CEMIP: variants seen among roughly 807,000 people sequenced by gnomAD.
The protein encoded by CEMIP is cell migration inducing hyaluronidase 1.
In CEMIP, 105 loss-of-function variants were observed where a neutral mutation model predicts 156.9. That is an observed-to-expected ratio of 0.67 (90% confidence interval 0.57 to 0.79). The LOEUF (loss-of-function observed/expected upper bound fraction) is 0.79. Among genes scored for constraint, CEMIP ranks in the 30% least tolerant of loss-of-function variants. The pLI, the probability that CEMIP is intolerant of heterozygous loss-of-function variation, is 0.00. For missense variants in CEMIP, 1,457 were observed against 1,769.4 expected, an observed-to-expected ratio of 0.82 and a Z score of 3.17; for synonymous variants, 676 against 668.4, an observed-to-expected ratio of 1.01 and a Z score of -0.17.
chr15:80,942,868 G>C, intron 27 of CEMIP, 77 bp from the exon 28 acceptor site: 1 of 1,571,238 alleles, frequency 6.4e-7, no homozygotes, highest in East Asian at 2.2e-5. Flanking sequence ...TTCAGGGTCT[G>C]CTTGGGAACC....
At chr15:80,836,137 G>C (rs1191349259) in intron 1 of CEMIP, among the ~76,000 whole-genome samples, 1 of 150,470 alleles carries the variant, frequency 6.6e-6, no homozygotes, top group African/African-American at 2.5e-5. Context: ...AAAGTGCTTG[G>C]AAAATTTCTC....
At chr15:80,875,814 A>G (rs1262627895) in intron 3 of CEMIP, among the ~76,000 whole-genome samples, 2 of 152,078 alleles carry the variant, frequency 1.3e-5, no homozygotes, top group Non-Finnish European at 2.9e-5. Flanking sequence ...ACAAATGAAA[A>G]GCCACTGACA....
chr15:80,824,658 C>T (rs1174762602), intron 1 of CEMIP, among the ~76,000 whole-genome samples: 1 of 152,208 alleles, frequency 6.6e-6, no homozygotes, highest in Non-Finnish European at 1.5e-5. Flanking sequence ...ATTCTGACAT[C>T]AGCAGCCTGG....
intron 1 of CEMIP, among the ~76,000 whole-genome samples, chr15:80,810,969 G>A (rs1239701885): frequency 6.6e-6 from 1 of 152,064 alleles, no homozygotes; most frequent in Non-Finnish European, 1.5e-5. Flanking sequence ...TCATTTGCCT[G>A]TCTATTTACC....
intron 1 of CEMIP, among the ~76,000 whole-genome samples, chr15:80,802,567 C>A (rs1425768859): frequency 6.6e-6 from 1 of 152,188 alleles, no homozygotes; most frequent in Non-Finnish European, 1.5e-5. Context: ...AAATAATGAC[C>A]ATGGGGCGTG....
At chr15:80,896,199 T>G in intron 12 of CEMIP, 139 bp downstream of exon 12, 2 of 852,698 alleles carry the variant, frequency 2.3e-6, no homozygotes, top group Non-Finnish European at 1.9e-6. Flanking sequence ...TCTTAAAACT[T>G]CATGACAGGT....
intron 1 of CEMIP, among the ~76,000 whole-genome samples, chr15:80,817,667 T>C (rs914635621): frequency 4.0e-5 from 6 of 151,094 alleles, no homozygotes; most frequent in African/African-American, 1.2e-4. Context: ...GAGAGGATTA[T>C]GGGAACATTT....
chr15:80,845,468 G>A (rs758660454), intron 1 of CEMIP, among the ~76,000 whole-genome samples: 29 of 152,194 alleles, frequency 1.9e-4, no homozygotes, highest in Admixed American at 1.3e-3. Flanking sequence ...CAAATATGGT[G>A]CTACATACAG....
At chr15:80,814,004 C>T (rs1005873375) in intron 1 of CEMIP, among the ~76,000 whole-genome samples, 1 of 150,132 alleles carries the variant, frequency 6.7e-6, no homozygotes, top group African/African-American at 2.5e-5. Context: ...CTGAGACACC[C>T]TCTCCCATCC....
At chr15:80,787,435 A>G (rs79573709) in intron 1 of CEMIP, among the ~76,000 whole-genome samples, 2,426 of 152,326 alleles carry the variant, frequency 0.016, 35 homozygotes, top group Non-Finnish European at 0.026. Flanking sequence ...TCTACTGGCC[A>G]TACCAAAACA....
Position 80,836,446 on chromosome 15 carries a change from T to G in CEMIP, c.-175-37092T>G, listed in dbSNP as rs960004655. ...CTGGTTTTCGTCCACTTGTACCAAATGCATTCATGAACATGGCAGACATTT... is the reference window on the plus strand; with the variant it reads ...CTGGTTTTCGTCCACTTGTACCAAAGGCATTCATGAACATGGCAGACATTT... On this transcript the variant is annotated intron_variant, in intron 1 of 29. Coordinates refer to ENST00000394685, the MANE Select transcript of CEMIP (RefSeq NM_001293298.2). 3.2e-4 allele frequency among the ~76,000 whole-genome samples: 49 copies of G among 152,368 alleles called. 1 individual carries two copies. Among genetic ancestry groups the G allele is most frequent in the African/African-American group, 1.1e-3 (47 of 41,586 alleles).
chr15:80,890,783 T>C (rs927992428), intron 10 of CEMIP, among the ~76,000 whole-genome samples: 1 of 152,172 alleles, frequency 6.6e-6, no homozygotes, highest in African/African-American at 2.4e-5. Context: ...TGGGCAGAAC[T>C]TCTACCCTCT....
chr15:80,858,551 TA>T (rs59305579), intron 1 of CEMIP, among the ~76,000 whole-genome samples: 1,722 of 130,440 alleles, frequency 0.013, 20 homozygotes, highest in African/African-American at 0.034. Flanking sequence ...TGGTCTCTAC[TA>T]AAAAAAAAAA....
chr15:80,900,197 G>A (rs914065030), intron 12 of CEMIP, among the ~76,000 whole-genome samples: 4 of 152,216 alleles, frequency 2.6e-5, no homozygotes, highest in Non-Finnish European at 4.4e-5. Flanking sequence ...AACCTTGTGT[G>A]CGTCAGAGCA....
intron 1 of CEMIP, among the ~76,000 whole-genome samples, chr15:80,804,620 G>A (rs1359662244): frequency 6.6e-6 from 1 of 152,210 alleles, no homozygotes; most frequent in African/African-American, 2.4e-5. Flanking sequence ...TGTCCCAGGA[G>A]AGGTTTCCAT....
intron 3 of CEMIP, among the ~76,000 whole-genome samples, chr15:80,876,922 C>T (rs368548249): frequency 2.6e-5 from 4 of 152,124 alleles, no homozygotes; most frequent in Non-Finnish European, 2.9e-5. Context: ...AAGACATACC[C>T]GCGGCTGGAT....
At chr15:80,888,864 C>T in intron 9 of CEMIP, 68 bp downstream of exon 9, 2 of 1,305,466 alleles carry the variant, frequency 1.5e-6, no homozygotes, top group African/African-American at 1.5e-5. Flanking sequence ...ACTGTCTTTG[C>T]AGAACTAGGA....
At chr15:80,862,338 G>A (rs548177833) in intron 1 of CEMIP, among the ~76,000 whole-genome samples, 2 of 152,320 alleles carry the variant, frequency 1.3e-5, no homozygotes, top group East Asian at 3.9e-4. Context: ...TCAAATTCAG[G>A]AAAGGACAAT....
chr15:80,894,932 C>A, intron 10 of CEMIP, 58 bp from the exon 11 acceptor site: 1 of 1,603,542 alleles, frequency 6.2e-7, no homozygotes, highest in South Asian at 1.1e-5. Context: ...TTAATCAGCA[C>A]CTTCCTTCTC....
Sources: allele counts gnomAD v4.1 joint callset (sites outside exome capture counted in the v4.1 genomes callset), GRCh38; gene constraint gnomAD v4.1.1; transcripts MANE v1.5; gene names NCBI Gene and HGNC (gene_info 2026-07-23, HGNC 2026-07-21).